DIXDC1: variants seen among roughly 807,000 people sequenced by gnomAD.
DIXDC1 encodes the protein DIX domain containing 1.
DIXDC1 carries 64 observed loss-of-function variants against 103.1 expected under a neutral mutation model. The observed-to-expected ratio is 0.62, with a 90% confidence interval of 0.51 to 0.76. The LOEUF is 0.76. Among genes scored for constraint, DIXDC1 ranks in the 30% least tolerant of loss-of-function variants. The probability of loss-of-function intolerance (pLI) is 0.00; values close to 1 mark genes in which losing one functional copy is unlikely to be tolerated. For missense variants in DIXDC1, 759 were observed against 834.2 expected (o/e 0.91, Z 1.11); for synonymous variants, 266 against 298.5 (o/e 0.89, Z 1.12).
At chr11:112,004,098 ATG>A (rs1303011744) in intron 17 of DIXDC1, among the ~76,000 whole-genome samples, 35 of 148,410 alleles carry the variant, frequency 2.4e-4, no homozygotes, top group Admixed American at 2.0e-3. Flanking sequence ...GTGTATATAT[ATG>A]TGTGTGTATA....
In DIXDC1 at chr11:111,989,036, G is replaced by C; in HGVS notation, c.1094G>C (p.Arg365Thr). The part of the protein sequence containing the change: ...KELLKCKQEA[R>T]NLQGIKDALQ... ...CTGCTGAAATGTAAACAAGAAGCCAGAAACTTACAGGGGATAAAGGTAAAA... is the reference window on the plus strand; with the variant it reads ...CTGCTGAAATGTAAACAAGAAGCCACAAACTTACAGGGGATAAAGGTAAAA... The change falls in exon 10 of 20, where the codon AGA becomes ACA. Residue 365 changes from arginine to threonine, a missense_variant. Physicochemically the swap from Arg to Thr is moderately conservative, Grantham distance 71. Transcript: ENST00000440460. 6.2e-7 allele frequency: 1 copy of C among 1,611,028 alleles called. No homozygotes were observed. Among genetic ancestry groups the C allele is most frequent in the Non-Finnish European group, 8.5e-7 (1 of 1,178,838 alleles).
chr11:112,000,778 T>C (rs1266944911), intron 17 of DIXDC1, among the ~76,000 whole-genome samples: 4 of 151,136 alleles, frequency 2.6e-5, no homozygotes, highest in African/African-American at 9.7e-5. Context: ...AAAACCACAG[T>C]GAGATACCAC....
intron 17 of DIXDC1, among the ~76,000 whole-genome samples, chr11:112,004,090 GTATATATATGTGTGTGTATATGTGTA>G (rs1566566949): frequency 3.6e-4 from 52 of 145,652 alleles, no homozygotes; most frequent in African/African-American, 1.0e-3. Context: ...GTGTATATGT[GTATATATATGTGTGTGTATATGTGTA>G]TATATATATG....
rs1360740130 is a variant in DIXDC1, at chr11:112,018,946, T to G, written c.1972-10T>G. 3 of 1,612,628 alleles carry G rather than the reference T, an allele frequency of 1.9e-6. No individual in the cohort carries two copies. In the African/African-American group the frequency reaches 4.0e-5, roughly 22 times the overall value. On this transcript the variant is annotated splice_polypyrimidine_tract_variant and intron_variant, in intron 19 of 19. Transcript: ENST00000440460. ...GTTTTTTCACTGTGGCTTTTTGTTT[T>G]TTTCTCTAGATTTTCCATGATGATG...
At chr11:111,970,485 G>T (rs1555171955) in intron 3 of DIXDC1, among the ~76,000 whole-genome samples, 1 of 151,964 alleles carries the variant, frequency 6.6e-6, no homozygotes, top group African/African-American at 2.4e-5. Flanking sequence ...TCTAACCAAA[G>T]AGGTAAAAGA....
intron 1 of DIXDC1, among the ~76,000 whole-genome samples, chr11:111,961,614 G>C (rs587607191): frequency 1.3e-5 from 2 of 152,192 alleles, no homozygotes; most frequent in Non-Finnish European, 2.9e-5. Context: ...TGCATGAAAA[G>C]TACTCAACAG....
Position 111,953,424 on chromosome 11 carries a change from G to A in DIXDC1, c.61-11125G>A, listed in dbSNP as rs1430175250. ...GGCCGAGGTGGGCGGATCACCTGAG[G>A]TCAGGAGTTTGAGACCAGCCTGGCC... On this transcript the variant is annotated intron_variant, in intron 1 of 19. Coordinates refer to ENST00000440460, the MANE Select transcript of DIXDC1 (RefSeq NM_001037954.4). Among the ~76,000 whole-genome samples the A allele has an allele frequency of 2.0e-5, 3 of 152,254 alleles. No individual in the cohort carries two copies. In the East Asian group the frequency reaches 5.8e-4, roughly 29 times the overall value.
At chr11:111,956,436 A>G (rs955251617) in intron 1 of DIXDC1, among the ~76,000 whole-genome samples, 1 of 152,228 alleles carries the variant, frequency 6.6e-6, no homozygotes, top group Non-Finnish European at 1.5e-5. Flanking sequence ...ATATGAATGA[A>G]GGTATCCTAA....
chr11:111,977,483 G>C lies in DIXDC1; in HGVS notation c.656+2500G>C, dbSNP rs587718737. The stretch of plus-strand genomic sequence containing the variant: ...GCGGCCAGGGGCCGGCAGCCTGCGA[G>C]GGGAGGCAGCTTCCGCCGGGGCCGG... On this transcript the variant is annotated intron_variant, in intron 5 of 19. Coordinates refer to ENST00000440460, the MANE Select transcript of DIXDC1 (RefSeq NM_001037954.4). This position sits in a 1 kb window ranked among gnomAD's most constrained non-coding sequence, Gnocchi z 6.1. 6.1e-6 allele frequency: 8 copies of C among 1,322,162 alleles called. No individual in the cohort carries two copies. In the African/African-American group the frequency reaches 9.4e-5, roughly 16 times the overall value. The allele number at this position is 1,322,162 out of a possible 1,614,324, so 81.9% of individuals were successfully genotyped here. A position where few individuals can be genotyped will look rare whatever the true frequency, so the allele number is the denominator to read the frequency against.
intron 3 of DIXDC1, among the ~76,000 whole-genome samples, chr11:111,969,844 A>G (rs587624985): frequency 1.3e-5 from 2 of 152,320 alleles, no homozygotes; most frequent in South Asian, 4.1e-4. Context: ...CCTTCTCAAC[A>G]TAGTACTGGC....
intron 9 of DIXDC1, 46 bp downstream of exon 9, chr11:111,986,970 G>A (rs1245092863): frequency 7.4e-6 from 11 of 1,495,474 alleles, no homozygotes; most frequent in Middle Eastern, 1.7e-4. Flanking sequence ...CATTATGGGG[G>A]CCAGGCACGG....
Position 111,937,419 on chromosome 11 carries a change from C to T in DIXDC1, c.-81C>T. ...GATCCCAATGAGCTGAGCCGAGAGC[C>T]TTTGTGTGCAGAGGGAGGAGGAGGA... is the stretch of plus-strand genomic sequence containing the variant. On this transcript the variant is annotated 5_prime_UTR_variant, in exon 1 of 20. Transcript: ENST00000440460. The T allele has an allele frequency of 3.3e-6, 5 of 1,534,022 alleles. No homozygotes were observed. The highest frequency in any genetic ancestry group is 1.8e-4 in the Middle Eastern group (1 of 5,430).
intron 1 of DIXDC1, among the ~76,000 whole-genome samples, chr11:111,942,968 C>T (rs960953421): frequency 1.3e-5 from 2 of 152,070 alleles, no homozygotes; most frequent in Admixed American, 6.6e-5. Flanking sequence ...ACAAGCACTG[C>T]GATACCTTGG....
At chr11:111,964,789 T>C in intron 2 of DIXDC1, 111 bp downstream of exon 2, 1 of 1,324,544 alleles carries the variant, frequency 7.5e-7, no homozygotes, top group South Asian at 1.6e-5. Flanking sequence ...TATATGGCAG[T>C]AGAGGTAGAG....
In DIXDC1 at chr11:111,958,653, G is replaced by T. The variant is rs1466527790; in HGVS notation, c.61-5896G>T. ...ACAGGCTCCTGTGTGGAAAGGGGCG[G>T]GTTCCCGGTGAAGCCCCACCTTCAA... is the stretch of plus-strand genomic sequence containing the variant. On this transcript the variant is annotated intron_variant, in intron 1 of 19. Transcript: ENST00000440460. This position sits in a 1 kb window ranked among gnomAD's most constrained non-coding sequence, Gnocchi z 4.2. 6.6e-6 allele frequency among the ~76,000 whole-genome samples: 1 copy of T among 152,208 alleles called. No homozygotes were observed. Among genetic ancestry groups the T allele is most frequent in the Admixed American group, 6.5e-5 (1 of 15,288 alleles).
At chr11:111,966,991 A>G (rs1014594798) in intron 2 of DIXDC1, among the ~76,000 whole-genome samples, 3 of 152,038 alleles carry the variant, frequency 2.0e-5, no homozygotes, top group Non-Finnish European at 2.9e-5. Context: ...CTCTTCAAAC[A>G]CTTTCTTTAC....
At chr11:111,948,966 CGTCATCACTGAATTCAAACCCTTGTTCT>C (rs1966689023) in intron 1 of DIXDC1, among the ~76,000 whole-genome samples, 1 of 151,600 alleles carries the variant, frequency 6.6e-6, no homozygotes, top group Non-Finnish European at 1.5e-5. Flanking sequence ...CAGGATTTAG[CGTCATCACTGAATTCAAACCCTTGTTCT>C]GTCACTGAGC....
At chr11:111,937,134 G>T (rs1236808403), upstream of DIXDC1, 6 of 713,736 alleles carry the variant, frequency 8.4e-6, no homozygotes, top group Admixed American at 6.4e-5. Context: ...GCCCGGGCGG[G>T]GGGGGGGTGT....
At chr11:111,995,595 G>T in intron 16 of DIXDC1, 31 bp downstream of exon 16, 1 of 1,609,130 alleles carries the variant, frequency 6.2e-7, no homozygotes, top group Non-Finnish European at 8.5e-7. Context: ...TCTCTCTTAG[G>T]CAAGCTCCTG....
Sources: allele counts gnomAD v4.1 joint callset (sites outside exome capture counted in the v4.1 genomes callset), GRCh38; gene constraint gnomAD v4.1.1; non-coding constraint Gnocchi (gnomAD v3.1); transcripts MANE v1.5; gene names NCBI Gene and HGNC (gene_info 2026-07-23, HGNC 2026-07-21).